IFNGR2: variants seen among roughly 807,000 people sequenced by gnomAD.
IFNGR2 encodes IFN-gamma receptor 2.
A neutral mutation model predicts 41.1 loss-of-function variants in IFNGR2; 15 were observed. The ratio of observed to expected loss-of-function variants is 0.37; its 90% CI spans 0.24 to 0.56. The LOEUF is 0.56. Ranked by LOEUF, IFNGR2 falls within the 20% of genes least tolerant of loss-of-function variation. IFNGR2 has a pLI of 0.81. For missense variants in IFNGR2, 362 were observed against 415.7 expected, an observed-to-expected ratio of 0.87 and a Z score of 1.12; for synonymous variants, 161 against 171.6, an observed-to-expected ratio of 0.94 and a Z score of 0.48.
intron 3 of IFNGR2, among the ~76,000 whole-genome samples, chr21:33,426,578 A>C (rs908697964): frequency 4.0e-5 from 6 of 151,726 alleles, no homozygotes; most frequent in African/African-American, 1.5e-4. Context: ...TTAGCCAGGC[A>C]TGGTGGCACA....
Position 33,432,623 on chromosome 21 carries a change from A to T in IFNGR2, c.722-91A>T, listed in dbSNP as rs121913215. ...ACTTGCCCATTTTACTAGGACAGGA[A>T]TGCTCTTTAAGCAGCATGGATGGAA... On this transcript the variant is annotated intron_variant, in intron 5 of 6. Transcript: ENST00000290219. 1.4e-3 allele frequency: 1,986 copies of T among 1,411,940 alleles called. 2 individuals are homozygous for T. The highest frequency in any genetic ancestry group is 3.9e-3 in the Middle Eastern group (22 of 5,676). 87.5% of individuals were successfully genotyped at this position (1,411,940 alleles called of 1,614,324 possible).
At position 33,421,508 on chromosome 21, in the gene IFNGR2, A is replaced by T; in HGVS notation, c.235A>T (p.Ile79Phe). The change falls in exon 3 of 7, where the codon ATC becomes TTC. Residue 79 changes from isoleucine to phenylalanine, a missense_variant. By Grantham distance (21) the Ile-to-Phe change is conservative. Transcript: ENST00000290219. ...CGACAGTAAATGGTTCACGGCCGAC[A>T]TCATGTCCATAGGGGTGAATTGTAC... The part of the protein sequence containing the change: ...YTDSKWFTAD[I>F]MSIGVNCTQI... 1 of 1,614,108 alleles carries T rather than the reference A, an allele frequency of 6.2e-7. No individual in the cohort carries two copies. The highest frequency in any genetic ancestry group is 2.2e-5 in the East Asian group (1 of 44,888).
In IFNGR2 at chr21:33,423,035, A is replaced by ATTT. The variant is rs1402537450; in HGVS notation, c.412+1350_412+1351insTTT. 2.0e-4 allele frequency among the ~76,000 whole-genome samples: 24 copies of ATTT among 118,148 alleles called. 2 individuals are homozygous for ATTT. The highest frequency in any genetic ancestry group is 2.7e-4 in the South Asian group (1 of 3,772). The allele number at this position is 118,148 out of a possible 152,430, so 77.5% of individuals were successfully genotyped here. A position where few individuals can be genotyped will look rare whatever the true frequency, so the allele number is the denominator to read the frequency against. ...AGTGTTTGTTAATGATCTTCCCTCT[A>ATTT]CTTTTTTTTTTTTTTTTTTTTTGAG... On this transcript the variant is annotated intron_variant, in intron 3 of 6. Transcript: ENST00000290219.
intron 3 of IFNGR2, among the ~76,000 whole-genome samples, chr21:33,426,110 T>C (rs1015427350): frequency 1.3e-5 from 2 of 149,688 alleles, no homozygotes; most frequent in African/African-American, 5.0e-5. Flanking sequence ...GCAACACTTC[T>C]CAGTTATTGT....
chr21:33,416,403 T>A (rs989950839), intron 2 of IFNGR2, among the ~76,000 whole-genome samples: 5 of 152,216 alleles, frequency 3.3e-5, no homozygotes, highest in African/African-American at 1.2e-4. Context: ...ATTTGTATTT[T>A]TTATTTCTTA....
At position 33,403,431 on chromosome 21, in the gene IFNGR2, G is replaced by GGCCCTGCGC. The variant is rs1488800356; in HGVS notation, c.-103_-95dup. On this transcript the variant is annotated 5_prime_UTR_variant, in exon 1 of 7. Transcript: ENST00000290219. ...CCCCGCTGCTGCTCGGGAAGAGGCG[G>GGCCCTGCGC]GCCCTGCGCGCCCTGCGCTCGCCAT... The GGCCCTGCGC allele has an allele frequency of 4.8e-5, 24 of 498,524 alleles. No individual in the cohort carries two copies. The highest frequency in any genetic ancestry group is 1.2e-4 in the African/African-American group (6 of 48,080). The allele number at this position is 498,524 out of a possible 1,614,324, so 30.9% of individuals were successfully genotyped here.
At chr21:33,413,399 T>C (rs1162929808) in intron 1 of IFNGR2, among the ~76,000 whole-genome samples, 2 of 152,278 alleles carry the variant, frequency 1.3e-5, no homozygotes, top group East Asian at 3.9e-4. Flanking sequence ...ACTAAACAAA[T>C]GGCCGCAGAC....
intron 2 of IFNGR2, among the ~76,000 whole-genome samples, chr21:33,416,494 A>C (rs952380330): frequency 3.9e-5 from 6 of 152,186 alleles, no homozygotes; most frequent in African/African-American, 9.7e-5. Context: ...CAAGAATAGA[A>C]AGGGGCCGAT....
chr21:33,409,356 C>T (rs1287327910), intron 1 of IFNGR2, among the ~76,000 whole-genome samples: 1 of 152,102 alleles, frequency 6.6e-6, no homozygotes, highest in Non-Finnish European at 1.5e-5. Flanking sequence ...GTAATCCCAG[C>T]TACTCGGGAG....
At chr21:33,403,202 G>C (rs1281243052), upstream of IFNGR2, 2 of 153,330 alleles carry the variant, frequency 1.3e-5, no homozygotes, top group African/African-American at 2.4e-5. Context: ...GGCGTCCCGC[G>C]GGGCTCCAGT....
At chr21:33,422,306 A>G (rs1245045870) in intron 3 of IFNGR2, among the ~76,000 whole-genome samples, 1 of 152,228 alleles carries the variant, frequency 6.6e-6, no homozygotes, top group Non-Finnish European at 1.5e-5. Context: ...TTCATTTGTC[A>G]CGTAGTCAGC....
intron 4 of IFNGR2, among the ~76,000 whole-genome samples, chr21:33,428,742 G>A (rs1008592110): frequency 6.6e-6 from 1 of 152,250 alleles, no homozygotes; most frequent in African/African-American, 2.4e-5. Flanking sequence ...GGAAATGCAA[G>A]AGATAGGATG....
intron 4 of IFNGR2, among the ~76,000 whole-genome samples, chr21:33,431,441 G>A (rs1255812909): frequency 1.3e-5 from 2 of 152,116 alleles, no homozygotes; most frequent in African/African-American, 4.8e-5. Flanking sequence ...ATGATGGTGG[G>A]TGTCTATAAT....
At chr21:33,420,261 T>TGTCTCCC (rs1233295359) in intron 2 of IFNGR2, among the ~76,000 whole-genome samples, 1 of 152,210 alleles carries the variant, frequency 6.6e-6, no homozygotes, top group Non-Finnish European at 1.5e-5. Context: ...TCTCGTCTCC[T>TGTCTCCC]GTCTCCCATG....
At chr21:33,409,748 G>A (rs2083703266) in intron 1 of IFNGR2, among the ~76,000 whole-genome samples, 3 of 152,294 alleles carry the variant, frequency 2.0e-5, no homozygotes, top group Middle Eastern at 6.8e-3. Context: ...TCTGCCTAGG[G>A]AGAGTGCTCA....
intron 6 of IFNGR2, among the ~76,000 whole-genome samples, chr21:33,435,567 T>A (rs1012794490): frequency 2.6e-5 from 4 of 152,038 alleles, no homozygotes; most frequent in African/African-American, 9.7e-5. Context: ...ATTACTGAGA[T>A]GAGGGGTAAG....
At chr21:33,433,263 C>T (rs949324472) in intron 6 of IFNGR2, among the ~76,000 whole-genome samples, 3 of 152,116 alleles carry the variant, frequency 2.0e-5, no homozygotes, top group Non-Finnish European at 2.9e-5. Context: ...TGGGCAAAGC[C>T]GTGGACACAG....
chr21:33,426,831 T>C (rs1169320657), intron 3 of IFNGR2, 53 bp from the exon 4 acceptor site: 1 of 1,292,980 alleles, frequency 7.7e-7, no homozygotes, highest in African/African-American at 1.9e-5. Context: ...TTGTATTATA[T>C]CTATAATACA....
At chr21:33,412,690 G>A (rs2123335596) in intron 1 of IFNGR2, among the ~76,000 whole-genome samples, 1 of 152,242 alleles carries the variant, frequency 6.6e-6, no homozygotes, top group South Asian at 2.1e-4. Context: ...CAGGTCGCTG[G>A]GACTACAGGT....
Sources: allele counts gnomAD v4.1 joint callset (sites outside exome capture counted in the v4.1 genomes callset), GRCh38; gene constraint gnomAD v4.1.1; transcripts MANE v1.5; gene names NCBI Gene and HGNC (gene_info 2026-07-23, HGNC 2026-07-21).